CDC14A: variants seen among roughly 807,000 people sequenced by gnomAD.
CDC14A encodes dual specificity protein phosphatase CDC14A.
Under a neutral mutation model 74.4 loss-of-function variants are expected in CDC14A, and 53 were observed. The ratio of observed to expected loss-of-function variants is 0.71; its 90% CI spans 0.57 to 0.89. CDC14A has a LOEUF of 0.89. Ranked by LOEUF, CDC14A falls within the 40% of genes least tolerant of loss-of-function variation. The probability of loss-of-function intolerance (pLI) is 0.00; values close to 1 mark genes in which losing one functional copy is unlikely to be tolerated. For missense variants in CDC14A, 646 were observed against 713.7 expected, an observed-to-expected ratio of 0.91 and a Z score of 1.08; for synonymous variants, 247 against 258.4, an observed-to-expected ratio of 0.96 and a Z score of 0.43.
At chr1:100,495,719 C>G (rs914381931) in intron 12 of CDC14A, among the ~76,000 whole-genome samples, 4 of 152,140 alleles carry the variant, frequency 2.6e-5, no homozygotes, top group Admixed American at 1.3e-4. Context: ...CATGTGTAAT[C>G]TGGGAGAAAC....
At position 100,367,606 on chromosome 1, in the gene CDC14A, T is replaced by C. The variant is rs1043857689; in HGVS notation, c.141-9940T>C. On this transcript the variant is annotated intron_variant, in intron 2 of 15. Transcript: ENST00000336454. ...AGTGTAAGTATTGTATCAAATGACC[T>C]TAAGATAAGATAGAGCTTGTTGGCT... 5.3e-5 allele frequency among the ~76,000 whole-genome samples: 8 copies of C among 152,354 alleles called. No homozygotes were observed. The East Asian group carries it at 1.5e-3, about 29-fold the overall frequency.
chr1:100,476,170 G>A (rs919806008), intron 10 of CDC14A, among the ~76,000 whole-genome samples: 1 of 152,050 alleles, frequency 6.6e-6, no homozygotes, highest in Non-Finnish European at 1.5e-5. Context: ...TATCAGCTCT[G>A]GGCTGGGCAC....
intron 2 of CDC14A, among the ~76,000 whole-genome samples, chr1:100,372,164 A>T (rs930578667): frequency 2.0e-5 from 3 of 152,254 alleles, no homozygotes; most frequent in Non-Finnish European, 4.4e-5. Context: ...AATGCTAATG[A>T]TCATCTGAGC....
chr1:100,450,771 T>C (rs1172491351), intron 7 of CDC14A, among the ~76,000 whole-genome samples: 4 of 152,206 alleles, frequency 2.6e-5, no homozygotes, highest in Non-Finnish European at 5.9e-5. Context: ...CATGGCTTTT[T>C]TTTCTTCCTC....
At chr1:100,461,924 A>C (rs1020640138) in intron 8 of CDC14A, among the ~76,000 whole-genome samples, 1 of 152,198 alleles carries the variant, frequency 6.6e-6, no homozygotes, top group Non-Finnish European at 1.5e-5. Context: ...CATATTTATC[A>C]TTTTTTGTGG....
chr1:100,462,182 T>C (rs893605450), intron 8 of CDC14A, among the ~76,000 whole-genome samples: 1 of 152,222 alleles, frequency 6.6e-6, no homozygotes, highest in African/African-American at 2.4e-5. Context: ...ACATAGTAGG[T>C]GCTTAATAAT....
intron 4 of CDC14A, among the ~76,000 whole-genome samples, chr1:100,411,141 T>G (rs1387231467): frequency 6.6e-6 from 1 of 152,184 alleles, no homozygotes; most frequent in African/African-American, 2.4e-5. Flanking sequence ...ATAAATTAAC[T>G]TGTCACAGGA....
upstream of CDC14A, among the ~76,000 whole-genome samples, chr1:100,348,479 T>G (rs1239894173): frequency 6.6e-6 from 1 of 152,218 alleles, no homozygotes; most frequent in Non-Finnish European, 1.5e-5. Flanking sequence ...CATCTGAATC[T>G]TCCATCCATT....
At chr1:100,504,890 A>G (rs1164228122) in intron 15 of CDC14A, 1 of 1,534,956 alleles carries the variant, frequency 6.5e-7, no homozygotes, top group African/African-American at 1.4e-5. Context: ...TCTCATCTTT[A>G]AATAAAGACA....
intron 2 of CDC14A, among the ~76,000 whole-genome samples, chr1:100,371,243 G>T (rs1240850207): frequency 6.6e-6 from 1 of 152,170 alleles, no homozygotes; most frequent in Non-Finnish European, 1.5e-5. Flanking sequence ...TATATCGTCA[G>T]TGGAAAGAGA....
rs1314703008 is a variant in CDC14A, at chr1:100,437,465, C to T, written c.390-2467C>T. The stretch of plus-strand genomic sequence containing the variant: ...TATAAATTACCTGACACAGTAGGTG[C>T]TCAAAAAAGGCATGCCGTTTCCTTC... On this transcript the variant is annotated intron_variant, in intron 5 of 15. Transcript: ENST00000336454. 2.6e-5 allele frequency among the ~76,000 whole-genome samples: 4 copies of T among 152,278 alleles called. No individual in the cohort carries two copies. The East Asian group carries it at 7.7e-4, about 29-fold the overall frequency.
chr1:100,478,990 C>CCTGGTT (rs1479025019), intron 10 of CDC14A, among the ~76,000 whole-genome samples: 12 of 152,092 alleles, frequency 7.9e-5, no homozygotes, highest in Admixed American at 2.0e-4. Flanking sequence ...GCTGCTGGTC[C>CCTGGTT]CTGAACCATA....
At chr1:100,517,696 G>T (rs1650347983) in intron 15 of CDC14A, among the ~76,000 whole-genome samples, 2 of 152,090 alleles carry the variant, frequency 1.3e-5, no homozygotes, top group Non-Finnish European at 2.9e-5. Context: ...AATGTTTTTG[G>T]GTCTTAAGAT....
At chr1:100,436,489 A>G (rs1664356980) in intron 5 of CDC14A, among the ~76,000 whole-genome samples, 1 of 151,886 alleles carries the variant, frequency 6.6e-6, no homozygotes, top group Admixed American at 6.6e-5. Context: ...TAGTGGCACA[A>G]TCTTGGCTCA....
intron 11 of CDC14A, among the ~76,000 whole-genome samples, chr1:100,491,572 A>ATATTTTTTTT (rs1418515078): frequency 4.0e-5 from 1 of 25,098 alleles, no homozygotes; most frequent in African/African-American, 1.6e-4. Context: ...ATATATATAT[A>ATATTTTTTTT]TTTTTTTTTT....
chr1:100,452,735 A>G (rs981209034), intron 7 of CDC14A, among the ~76,000 whole-genome samples: 2 of 151,978 alleles, frequency 1.3e-5, no homozygotes, highest in Non-Finnish European at 2.9e-5. Context: ...TTTTTTGCAT[A>G]GTATTTGGTA....
intron 15 of CDC14A, among the ~76,000 whole-genome samples, chr1:100,517,647 A>G (rs939007603): frequency 4.3e-4 from 65 of 152,290 alleles, no homozygotes; most frequent in African/African-American, 1.5e-3. Context: ...AAAATTGCCT[A>G]TTGTTTATTA....
intron 4 of CDC14A, among the ~76,000 whole-genome samples, chr1:100,417,052 C>G (rs1661618970): frequency 2.0e-5 from 3 of 152,134 alleles, no homozygotes; most frequent in Non-Finnish European, 4.4e-5. Context: ...GTCTTACAGC[C>G]TACTTGGGGA....
At chr1:100,355,031 G>A (rs1651690921) in intron 2 of CDC14A, among the ~76,000 whole-genome samples, 1 of 152,232 alleles carries the variant, frequency 6.6e-6, no homozygotes, top group African/African-American at 2.4e-5. Context: ...AAGTAAGAGT[G>A]GGAATGAAAG....
Sources: gnomAD v4.1 joint callset for allele counts (sites outside exome capture counted in the v4.1 genomes callset) on GRCh38, gnomAD v4.1.1 for gene constraint, MANE v1.5 for transcripts, NCBI Gene and HGNC (gene_info 2026-07-23, HGNC 2026-07-21) for gene names.